EML3: variants seen among roughly 807,000 people sequenced by gnomAD.
The protein encoded by EML3 is EMAP like 3.
A neutral mutation model predicts 106.7 loss-of-function variants in EML3; 53 were observed. The ratio of observed to expected loss-of-function variants is 0.50; its 90% confidence interval spans 0.40 to 0.62. EML3 has a LOEUF of 0.62. EML3 is among the 20% of genes least tolerant of loss of function. The probability of loss-of-function intolerance (pLI) is 0.00; values close to 1 mark genes in which losing one functional copy is unlikely to be tolerated. For missense variants in EML3, 994 were observed against 1,209.1 expected, an observed-to-expected ratio of 0.82 and a Z score of 2.64; for synonymous variants, 499 against 489.6, an observed-to-expected ratio of 1.02 and a Z score of -0.25.
At chr11:62,610,432 C>T (rs1276679762) in intron 4 of EML3, among the ~76,000 whole-genome samples, 2 of 152,098 alleles carry the variant, frequency 1.3e-5, no homozygotes, top group East Asian at 1.9e-4. Context: ...GTAGATCCAG[C>T]GGAAAGAGGG....
chr11:62,602,359 A>G lies in EML3; in HGVS notation c.*116T>C. On this transcript the variant is annotated 3_prime_UTR_variant, in exon 22 of 22. Coordinates refer to ENST00000394773, the MANE Select transcript of EML3 (RefSeq NM_153265.3). ...CCTCCAGGAAAATGCGCGATCGGGAATGTCTCGAAGTCAGTCCAGGAAAGA... is the reference window on the plus strand; with the variant it reads ...CCTCCAGGAAAATGCGCGATCGGGAGTGTCTCGAAGTCAGTCCAGGAAAGA... The G allele has an allele frequency of 1.5e-6, 2 of 1,337,244 alleles. No homozygotes were observed. Among genetic ancestry groups the G allele is most frequent in the Non-Finnish European group, 2.0e-6 (2 of 1,011,212 alleles). 82.8% of individuals were successfully genotyped at this position (1,337,244 alleles called of 1,614,324 possible).
chr11:62,604,848 C>T, intron 16 of EML3: 1 of 314,558 alleles, frequency 3.2e-6, no homozygotes, highest in South Asian at 5.1e-5. Flanking sequence ...ATGCCCCTCC[C>T]ATTCCCACTG....
rs757457626 is a variant in EML3 at position 62,607,767 on chromosome 11, T to C, written c.1261A>G (p.Ile421Val). 5.6e-6 allele frequency: 9 copies of C among 1,613,918 alleles called. No individual in the cohort carries two copies. Among genetic ancestry groups the C allele is most frequent in the Non-Finnish European group, 5.9e-6 (7 of 1,179,978 alleles). The change falls in exon 11 of 22, where the codon ATC becomes GTC. Residue 421 changes from isoleucine to valine, a missense_variant. Physicochemically the swap from Ile to Val is conservative, Grantham distance 29. Coordinates refer to ENST00000394773, the MANE Select transcript of EML3 (RefSeq NM_153265.3). ...VGFNPRDSSC[I>V]VTSGKSHVHF... Reference sequence around the variant, plus strand: ...ACGTGAGATTTCCCACTGGTGACGATGCAGCTGCTGTCACGAGGGTTGAAG... The same window carrying C: ...ACGTGAGATTTCCCACTGGTGACGACGCAGCTGCTGTCACGAGGGTTGAAG...
rs1428097598 is a variant in EML3, at chr11:62,608,216, C to G, written c.1191G>C (p.Lys397Asn). The G allele has an allele frequency of 2.2e-5, 35 of 1,613,846 alleles. No homozygotes were observed. Among genetic ancestry groups the G allele is most frequent in the Non-Finnish European group, 2.9e-5 (34 of 1,180,008 alleles). ...LSVWDCSRGM[K>N]LAEIKSTNDS... is the part of the protein sequence containing the mutation. Reference sequence around the variant, plus strand: ...GACTCCTCACCTTGATCTCAGCCAGCTTCATTCCCCGGCTGCAGTCCCACA... The same window carrying G: ...GACTCCTCACCTTGATCTCAGCCAGGTTCATTCCCCGGCTGCAGTCCCACA... The change falls in exon 10 of 22, where the codon AAG becomes AAC. Residue 397 changes from lysine (K) to asparagine (N), a missense_variant. Lys to Asn is a moderately conservative substitution (Grantham distance 94). Coordinates refer to ENST00000394773, the MANE Select transcript of EML3 (RefSeq NM_153265.3).
intron 12 of EML3, 102 bp downstream of exon 12, chr11:62,606,856 C>CCAAAAA: frequency 7.6e-6 from 7 of 915,900 alleles, no homozygotes; most frequent in African/African-American, 6.4e-5. Flanking sequence ...GACCTCATCT[C>CCAAAAA]AAAAAAAAAA....
chr11:62,608,241 A>G lies in EML3; in HGVS notation c.1166T>C (p.Val389Ala). Reference protein sequence around the residue: ...VDDSNEHMLSVWDCSRGMKLA... With the variant: ...VDDSNEHMLSAWDCSRGMKLA... ...CTTCATTCCCCGGCTGCAGTCCCAC[A>G]CCGACAGCATGTGCTCATTGGAATC... Residue 389 changes from valine (V) to alanine (A), a missense_variant, in exon 10 of 22, where the codon GTG becomes GCG. This residue lies in a region of EML3 where 713 missense variants were observed against 920.5 expected (regional missense o/e 0.77). Transcript: ENST00000394773. 1.2e-6 allele frequency: 2 copies of G among 1,613,966 alleles called. No individual in the cohort carries two copies. The highest frequency in any genetic ancestry group is 1.3e-5 in the African/African-American group (1 of 75,000).
rs932843958 is a variant in EML3, at chr11:62,605,816, C to T, written c.1782+39G>A. On this transcript the variant is annotated intron_variant, in intron 14 of 21. Transcript: ENST00000394773. This position sits in a 1 kb window ranked among gnomAD's most constrained non-coding sequence, Gnocchi z 5.2. ...TGTCACTCCTGCCCCTCTCTCACAC[C>T]CCTTTGTCCCTTCCTCCCCTGAGCC... The T allele has an allele frequency of 2.5e-6, 4 of 1,610,354 alleles. No homozygotes were observed. Among genetic ancestry groups the T allele is most frequent in the Admixed American group, 1.7e-5 (1 of 59,768 alleles).
At position 62,609,843 on chromosome 11, in the gene EML3, T is replaced by C. The variant is rs1942724415; in HGVS notation, c.567-147A>G. On this transcript the variant is annotated intron_variant, in intron 4 of 21. Transcript: ENST00000394773. Reference sequence around the variant, plus strand: ...TGCTTCGTGAGTATCAGGGCCCTAGTAGATGGAGACTTCTAGTTCCATTTA... The same window carrying C: ...TGCTTCGTGAGTATCAGGGCCCTAGCAGATGGAGACTTCTAGTTCCATTTA... 8 of 650,048 alleles carry C rather than the reference T, an allele frequency of 1.2e-5. 1 individual carries two copies. Among genetic ancestry groups the C allele is most frequent in the South Asian group, 1.0e-4 (5 of 47,884 alleles). 40.3% of individuals were successfully genotyped at this position (650,048 alleles called of 1,614,324 possible). A position where few individuals can be genotyped will look rare whatever the true frequency, so the allele number is the denominator to read the frequency against.
At chr11:62,609,204 G>T (rs909554239) in intron 6 of EML3, 72 bp from the exon 7 acceptor site, 3 of 1,596,722 alleles carry the variant, frequency 1.9e-6, no homozygotes, top group Non-Finnish European at 2.6e-6. Context: ...GAAAGACAGA[G>T]CTTCTGGCTG....
In EML3 at chr11:62,603,246, C is replaced by T. The variant is rs1422943426; in HGVS notation, c.2259G>A (p.Trp753Ter). 3.1e-6 allele frequency: 5 copies of T among 1,613,284 alleles called. No homozygotes were observed. The highest frequency in any genetic ancestry group is 4.2e-6 in the Non-Finnish European group (5 of 1,180,018). ...GCTGCTTGCAGCCTCCAGCCACGTC[C>T]CCTGGGGAGAGGGAGCCCGCCCAGC... is the stretch of plus-strand genomic sequence containing the variant. ...SNSGDYEILY[W>*]DVAGGCKQLK... Residue 753 changes from tryptophan (W) to a stop codon, truncating the protein, a stop_gained and splice_region_variant, in exon 20 of 22, where the codon TGG becomes TGA. Coordinates refer to ENST00000394773, the MANE Select transcript of EML3 (RefSeq NM_153265.3). LOFTEE classifies it high-confidence loss of function.
At chr11:62,610,776 G>A (rs1261764843) in intron 4 of EML3, 103 bp downstream of exon 4, 12 of 1,008,858 alleles carry the variant, frequency 1.2e-5, no homozygotes, top group Non-Finnish European at 1.8e-5. Flanking sequence ...TTCCTGTTGG[G>A]CAATCAGGTC....
rs187950178 is a variant in EML3, at chr11:62,603,719, T to C, written c.2257+10A>G. 3.1e-6 allele frequency: 5 copies of C among 1,613,048 alleles called. No individual in the cohort carries two copies. Among genetic ancestry groups the C allele is most frequent in the Admixed American group, 3.3e-5 (2 of 60,010 alleles). On this transcript the variant is annotated intron_variant, in intron 19 of 21. Transcript: ENST00000394773. ...ACCCTCTCCCCATGTCCTGCTCCAC[T>C]GCCACTCACAGTAAAGAATCTCATA... is the stretch of plus-strand genomic sequence containing the variant.
At position 62,611,102 on chromosome 11, in the gene EML3, G is replaced by C. The variant is rs200143413; in HGVS notation, c.437C>G (p.Pro146Arg). ...PPGILRPLQP[P>R]QRADTPRRNS... ...GGACACCTACGTGTCAGCACGCTGTGGGGGCTGCAAGGGCCTGAGGATCCC... is the reference window on the plus strand; with the variant it reads ...GGACACCTACGTGTCAGCACGCTGTCGGGGCTGCAAGGGCCTGAGGATCCC... The change falls in exon 3 of 22, where the codon CCA becomes CGA. Residue 146 changes from proline (P) to arginine (R), a missense_variant. Pro to Arg is a moderately radical substitution (Grantham distance 103, BLOSUM62 -2). Coordinates refer to ENST00000394773, the MANE Select transcript of EML3 (RefSeq NM_153265.3). 4 of 1,597,404 alleles carry C rather than the reference G, an allele frequency of 2.5e-6. No homozygotes were observed. Among genetic ancestry groups the C allele is most frequent in the Non-Finnish European group, 3.4e-6 (4 of 1,177,376 alleles).
At chr11:62,604,667 GCACCTGGCCAC>G (rs1305447273) in intron 16 of EML3, 4 of 206,214 alleles carry the variant, frequency 1.9e-5, no homozygotes, top group African/African-American at 9.3e-5. Context: ...GTGAGCCACC[GCACCTGGCCAC>G]CACTGCATTC....
At chr11:62,609,762 G>A in intron 4 of EML3, 66 bp from the exon 5 acceptor site, 1 of 1,429,174 alleles carries the variant, frequency 7.0e-7, no homozygotes, top group South Asian at 1.4e-5. Context: ...GGAGGGGCAG[G>A]ACACAAGAAA....
Position 62,607,013 on chromosome 11 carries a change from G to C in EML3, c.1449C>G (p.Leu483=). The change falls in exon 12 of 22, where the codon CTC becomes CTG. Residue 483 remains leucine, a synonymous_variant. Transcript: ENST00000394773. The part of the protein sequence containing the change: ...ILTGDSEGNI[L]TWGRSPSDSK... ...AATCTGAAGGGCTCCGCCCCCAGGT[G>C]AGAATGTTCCCCTCTGAGTCTCCAG... The C allele has an allele frequency of 6.2e-7, 1 of 1,614,178 alleles. No homozygotes were observed. The highest frequency in any genetic ancestry group is 2.2e-5 in the East Asian group (1 of 44,882).
In EML3 at chr11:62,609,427, T is replaced by C; in HGVS notation, c.685A>G (p.Ile229Val). The C allele has an allele frequency of 1.2e-6, 2 of 1,600,520 alleles. No individual in the cohort carries two copies. Among genetic ancestry groups the C allele is most frequent in the South Asian group, 2.2e-5 (2 of 89,378 alleles). ...TCAAGGCTGCGGATGCCAGACGGGA[T>C]GTACATGGTAATGGGGCGCCCTCGA... ...FLRGRPITMYIPSGIRSLEEL... is the reference protein window; with the variant it reads ...FLRGRPITMYVPSGIRSLEEL... The change falls in exon 6 of 22, where the codon ATC becomes GTC. Residue 229 changes from isoleucine to valine, a missense_variant. By Grantham distance (29) the Ile-to-Val change is conservative. Around this residue, in one of 3 missense-constraint regions of EML3, gnomAD observed 713 missense variants for 920.5 expected, o/e 0.77. Transcript: ENST00000394773.
At position 62,602,589 on chromosome 11, in the gene EML3, GC is replaced by G. The variant is rs1447509467; in HGVS notation, c.2576del (p.Gly859AlafsTer66). 4 of 1,546,102 alleles carry G rather than the reference GC, an allele frequency of 2.6e-6. No homozygotes were observed. The East Asian group carries it at 7.3e-5, about 28-fold the overall frequency. ...HDDSHLVSLG[G>X]KDASIFQWRV... ...GCCACTGGAAGATGCTGGCGTCCTT[GC>G]CGCCCAGCGAGACGAGGTGCGAGTC... On this transcript the variant is annotated frameshift_variant, in exon 22 of 22. Coordinates refer to ENST00000394773, the MANE Select transcript of EML3 (RefSeq NM_153265.3). LOFTEE classifies it high-confidence loss of function.
chr11:62,609,499 TCAA>T, intron 5 of EML3, 22 bp from the exon 6 acceptor site: 1 of 1,544,246 alleles, frequency 6.5e-7, no homozygotes, highest in Non-Finnish European at 8.7e-7. Flanking sequence ...AGGGGTGGTG[TCAA>T]CTACCCCCTT....
Sources: gnomAD v4.1 joint callset for allele counts (sites outside exome capture counted in the v4.1 genomes callset) on GRCh38, gnomAD v4.1.1 for gene constraint, gnomAD v4.1.1 regional missense constraint, Gnocchi (gnomAD v3.1) non-coding constraint, MANE v1.5 for transcripts, NCBI Gene and HGNC (gene_info 2026-07-23, HGNC 2026-07-21) for gene names.